CNTRL: variants seen among roughly 807,000 people sequenced by gnomAD.
CNTRL encodes centriolin.
CNTRL carries 233 observed loss-of-function variants against 303.7 expected under a neutral mutation model. That is an observed-to-expected ratio of 0.77 (90% confidence interval 0.69 to 0.86). CNTRL has a LOEUF of 0.86. Among genes scored for constraint, CNTRL ranks in the 40% least tolerant of loss-of-function variants. The pLI, the probability that CNTRL is intolerant of heterozygous loss-of-function variation, is 0.00. For synonymous variants in CNTRL, 900 were observed against 922.2 expected, an observed-to-expected ratio of 0.98 and a Z score of 0.44; for missense variants, 2,524 against 2,650.6, an observed-to-expected ratio of 0.95 and a Z score of 1.05.
chr9:121,146,166 T>C lies in CNTRL; in HGVS notation c.3369T>C (p.Val1123=). The stretch of plus-strand genomic sequence containing the variant: ...AAATTGCTGAACTTCGACGTGAAGT[T>C]TCTTATCAGAATGATTACATAAGCA... ...LEEIAELRRE[V]SYQNDYISSM... Residue 1123 remains valine, a synonymous_variant, in exon 23 of 44, where the codon GTT becomes GTC. Transcript: ENST00000373855. 6.2e-7 allele frequency: 1 copy of C among 1,613,630 alleles called. No homozygotes were observed.
At chr9:121,104,961 C>T (rs1025865908) in intron 7 of CNTRL, among the ~76,000 whole-genome samples, 2 of 152,078 alleles carry the variant, frequency 1.3e-5, no homozygotes, top group Admixed American at 1.3e-4. Flanking sequence ...CCGCCTGCCT[C>T]GGCCTCCCAA....
chr9:121,135,435 G>T (rs1275542891), intron 14 of CNTRL, among the ~76,000 whole-genome samples: 1 of 152,158 alleles, frequency 6.6e-6, no homozygotes, highest in Non-Finnish European at 1.5e-5. Flanking sequence ...AAGATACAAT[G>T]AAATAATGAA....
chr9:121,091,606 G>A (rs2048573931), intron 4 of CNTRL, among the ~76,000 whole-genome samples: 4 of 152,152 alleles, frequency 2.6e-5, no homozygotes, highest in Admixed American at 2.6e-4. Context: ...ACTTTGGGAG[G>A]CCGAGGTGGG....
intron 4 of CNTRL, among the ~76,000 whole-genome samples, chr9:121,092,187 T>C (rs927872291): frequency 3.7e-4 from 54 of 146,904 alleles, no homozygotes; most frequent in Non-Finnish European, 6.8e-4. Context: ...ATAGATTTTA[T>C]AGCAAACAAG....
In CNTRL at chr9:121,150,338, G is replaced by T. The variant is rs2052152760; in HGVS notation, c.3818G>T (p.Ser1273Ile). The part of the protein sequence containing the change: ...YAPPPPLPNN[S>I]RPLTPGTVVY... Reference sequence around the variant, plus strand: ...CCACCTCCTCCCTTGCCAAACAATAGCCGACCTCTCACCCCTGGCACTGTT... The same window carrying T: ...CCACCTCCTCCCTTGCCAAACAATATCCGACCTCTCACCCCTGGCACTGTT... The change falls in exon 25 of 44, where the codon AGC (serine) becomes ATC (isoleucine). Residue 1273 changes from serine to isoleucine, a missense_variant. Coordinates refer to ENST00000373855, the MANE Select transcript of CNTRL (RefSeq NM_007018.6). 6.2e-7 allele frequency: 1 copy of T among 1,614,030 alleles called. No homozygotes were observed. The highest frequency in any genetic ancestry group is 1.1e-5 in the South Asian group (1 of 91,090).
intron 4 of CNTRL, among the ~76,000 whole-genome samples, chr9:121,091,373 G>C (rs1438813263): frequency 1.3e-5 from 2 of 152,122 alleles, no homozygotes; most frequent in Non-Finnish European, 2.9e-5. Flanking sequence ...CCAAGTAACA[G>C]AAATGCTATA....
intron 13 of CNTRL, 101 bp downstream of exon 13, chr9:121,124,185 A>G (rs2050383042): frequency 2.1e-6 from 2 of 949,272 alleles, no homozygotes; most frequent in Non-Finnish European, 1.5e-6. Flanking sequence ...AATACAGTTC[A>G]CCTATTAGTA....
chr9:121,162,020 T>A, intron 33 of CNTRL, 34 bp from the exon 34 acceptor site: 6 of 1,613,446 alleles, frequency 3.7e-6, no homozygotes, highest in Non-Finnish European at 5.1e-6. Flanking sequence ...TCTTTCTCAT[T>A]TAAGATGTTT....
intron 13 of CNTRL, among the ~76,000 whole-genome samples, chr9:121,124,288 G>T (rs1186055222): frequency 6.6e-6 from 1 of 152,174 alleles, no homozygotes; most frequent in Non-Finnish European, 1.5e-5. Flanking sequence ...TGGCATTGAT[G>T]CCTAGTGAGT....
In CNTRL at chr9:121,165,443, T is replaced by G. The variant is rs1011832775; in HGVS notation, c.5581+343T>G. Among the ~76,000 whole-genome samples, 7 of 152,176 alleles carry G rather than the reference T, an allele frequency of 4.6e-5. No homozygotes were observed. In the East Asian group the frequency reaches 1.2e-3, roughly 25 times the overall value. On this transcript the variant is annotated intron_variant, in intron 35 of 43. Transcript: ENST00000373855. ...ACAGTTTGGTGAATATCCTTCCAGA[T>G]TTTTCCTAGGGGTGTGTCTAGTTTG...
chr9:121,125,170 CT>C lies in CNTRL; in HGVS notation c.1805-531del, dbSNP rs759688532. Among the ~76,000 whole-genome samples, 528 of 142,534 alleles carry C rather than the reference CT, an allele frequency of 3.7e-3. 2 individuals carry two copies. The highest frequency in any genetic ancestry group is 0.03 in the East Asian group (150 of 4,978). The allele number at this position is 142,534 out of a possible 152,430, so 93.5% of individuals were successfully genotyped here. A position where few individuals can be genotyped will look rare whatever the true frequency, so the allele number is the denominator to read the frequency against. On this transcript the variant is annotated intron_variant, in intron 13 of 43. Transcript: ENST00000373855. ...TTTTTTATTTTATTTGTAAATTAAA[CT>C]TTTTTTTTTTTTTTGAGACGGAGCC...
chr9:121,154,890 G>A lies in CNTRL; in HGVS notation c.4342G>A (p.Glu1448Lys). ...ADRLLAEAES[E>K]LSCTKEKTKN... ...CCGACTCCTGGCAGAGGCTGAGAGT[G>A]AACTTTCATGCACTAAAGAAAAGGT... The change falls in exon 27 of 44, where the codon GAA becomes AAA. Residue 1448 changes from glutamate (E) to lysine (K), a missense_variant. Glu to Lys is a moderately conservative substitution (Grantham distance 56, BLOSUM62 1). Transcript: ENST00000373855. The A allele has an allele frequency of 6.2e-7, 1 of 1,614,124 alleles. No individual in the cohort carries two copies. Among genetic ancestry groups the A allele is most frequent in the Admixed American group, 1.7e-5 (1 of 60,030 alleles).
At chr9:121,076,344 A>T (rs181159854) in intron 1 of CNTRL, among the ~76,000 whole-genome samples, 95 of 152,208 alleles carry the variant, frequency 6.2e-4, no homozygotes, top group Non-Finnish European at 1.0e-3. Flanking sequence ...AGAAGAAGAG[A>T]GATGGGAGAG....
chr9:121,124,496 T>A (rs1282595374), intron 13 of CNTRL, among the ~76,000 whole-genome samples: 2 of 152,018 alleles, frequency 1.3e-5, no homozygotes, highest in Non-Finnish European at 1.5e-5. Flanking sequence ...TCCATAATAG[T>A]GGAAAAGGAA....
chr9:121,088,302 A>C lies in CNTRL; in HGVS notation c.-25A>C. 6.9e-7 allele frequency: 1 copy of C among 1,444,646 alleles called. No homozygotes were observed. Among genetic ancestry groups the C allele is most frequent in the Non-Finnish European group, 9.7e-7 (1 of 1,029,692 alleles). The allele number at this position is 1,444,646 out of a possible 1,614,324, so 89.5% of individuals were successfully genotyped here. A position where few individuals can be genotyped will look rare whatever the true frequency, so the allele number is the denominator to read the frequency against. ...ATACTGAAAACTCTTACAGGTTTTGATGAACACCTGGCTTTATTCTTGCAA... is the reference window on the plus strand; with the variant it reads ...ATACTGAAAACTCTTACAGGTTTTGCTGAACACCTGGCTTTATTCTTGCAA... On this transcript the variant is annotated 5_prime_UTR_variant, in exon 3 of 44. An upstream start codon of the reference 5' UTR is lost. Transcript: ENST00000373855.
intron 5 of CNTRL, 38 bp downstream of exon 5, chr9:121,095,056 A>G (rs1309805938): frequency 2.6e-6 from 4 of 1,523,106 alleles, no homozygotes; most frequent in Non-Finnish European, 3.6e-6. Flanking sequence ...AGCATTGCAG[A>G]TAGCTTTGTT....
At chr9:121,085,356 C>G (rs1190460483) in intron 2 of CNTRL, among the ~76,000 whole-genome samples, 1 of 152,104 alleles carries the variant, frequency 6.6e-6, no homozygotes, top group Non-Finnish European at 1.5e-5. Context: ...CATAGAAATT[C>G]ATGAAGCTAT....
At chr9:121,158,768 T>G (rs2052709625) in intron 30 of CNTRL, 87 bp from the exon 31 acceptor site, 6 of 1,302,332 alleles carry the variant, frequency 4.6e-6, no homozygotes, top group Admixed American at 4.1e-5. Context: ...AGCTCCTGAT[T>G]TTACCTCACA....
chr9:121,145,296 T>A lies in CNTRL; in HGVS notation c.3221T>A (p.Val1074Asp). The A allele has an allele frequency of 6.2e-7, 1 of 1,613,896 alleles. No homozygotes were observed. The highest frequency in any genetic ancestry group is 1.7e-4 in the Middle Eastern group (1 of 6,060). Residue 1074 changes from valine to aspartate, a missense_variant, in exon 22 of 44, where the codon GTC becomes GAC. By Grantham distance (152) the Val-to-Asp change is radical (BLOSUM62 -3). Coordinates refer to ENST00000373855, the MANE Select transcript of CNTRL (RefSeq NM_007018.6). ...GTAGGTACTGGAGCAAACTCACAGGTCCTAGAAATTGAGAAACTGAATGAG... is the reference window on the plus strand; with the variant it reads ...GTAGGTACTGGAGCAAACTCACAGGACCTAGAAATTGAGAAACTGAATGAG... ...TGVGTGANSQ[V>D]LEIEKLNETM...
Sources: gnomAD v4.1 joint callset for allele counts (sites outside exome capture counted in the v4.1 genomes callset) on GRCh38, gnomAD v4.1.1 for gene constraint, MANE v1.5 for transcripts, NCBI Gene and HGNC (gene_info 2026-07-23, HGNC 2026-07-21) for gene names.